LRP3: variants seen among roughly 807,000 people sequenced by gnomAD.
LRP3 encodes the protein low-density lipoprotein receptor-related protein 3.
A neutral mutation model predicts 58.5 loss-of-function variants in LRP3; 49 were observed. The ratio of observed to expected loss-of-function variants is 0.84; its 90% CI spans 0.67 to 1.06. The LOEUF is 1.06. Among genes scored for constraint, LRP3 ranks in the 50% least tolerant of loss-of-function variants. LRP3 has a pLI of 0.00. For missense variants in LRP3, 1,019 were observed against 1,134.2 expected, an observed-to-expected ratio of 0.90 and a Z score of 1.46; for synonymous variants, 485 against 492.2, an observed-to-expected ratio of 0.99 and a Z score of 0.20.
At chr19:33,201,286 T>A (rs565412984) in intron 2 of LRP3, among the ~76,000 whole-genome samples, 1 of 152,226 alleles carries the variant, frequency 6.6e-6, no homozygotes, top group East Asian at 1.9e-4. Context: ...GAAGGGACCT[T>A]GGAGCTAGGG....
At chr19:33,195,153 G>T (rs1405650876) in intron 1 of LRP3, among the ~76,000 whole-genome samples, 1 of 152,164 alleles carries the variant, frequency 6.6e-6, no homozygotes, top group Non-Finnish European at 1.5e-5. Flanking sequence ...GCCCGCCCGC[G>T]CTGAGCCTGG....
chr19:33,205,546 G>C lies in LRP3; in HGVS notation c.776G>C (p.Gly259Ala). The C allele has an allele frequency of 1.3e-6, 2 of 1,594,284 alleles. No homozygotes were observed. Among genetic ancestry groups the C allele is most frequent in the South Asian group, 1.1e-5 (1 of 89,720 alleles). ...CPDLACGRRL[G>A]SFYGSFASPD... ...GACCTGGCGTGCGGCCGGCGGCTGG[G>C]CAGCTTCTACGGCTCCTTTGCCTCC... The change falls in exon 5 of 7, where the codon GGC becomes GCC. Residue 259 changes from glycine to alanine, a missense_variant. Physicochemically the swap from Gly to Ala is moderately conservative, Grantham distance 60. Coordinates refer to ENST00000253193, the MANE Select transcript of LRP3 (RefSeq NM_002333.4).
At chr19:33,198,385 C>T (rs931635680) in intron 2 of LRP3, among the ~76,000 whole-genome samples, 1 of 152,168 alleles carries the variant, frequency 6.6e-6, no homozygotes, top group East Asian at 1.9e-4. Flanking sequence ...ACGCCCAGCG[C>T]GCAAGGCCAT....
rs531663335 is a variant in LRP3, at chr19:33,202,744, G to T, written c.122-104G>T. The T allele has an allele frequency of 1.8e-4, 244 of 1,336,478 alleles. No individual in the cohort carries two copies. In the African/African-American group the frequency reaches 2.9e-3, roughly 16 times the overall value. The allele number at this position is 1,336,478 out of a possible 1,614,324, so 82.8% of individuals were successfully genotyped here. A position where few individuals can be genotyped will look rare whatever the true frequency, so the allele number is the denominator to read the frequency against. ...GCCATGGCCACCCTTGGCTGGACTCGATCCCACCATGGGGGAGGCCTGTGC... is the reference window on the plus strand; with the variant it reads ...GCCATGGCCACCCTTGGCTGGACTCTATCCCACCATGGGGGAGGCCTGTGC... On this transcript the variant is annotated intron_variant, in intron 2 of 6. Coordinates refer to ENST00000253193, the MANE Select transcript of LRP3 (RefSeq NM_002333.4).
At chr19:33,206,417 T>C in intron 5 of LRP3, 55 bp downstream of exon 5, 1 of 1,598,466 alleles carries the variant, frequency 6.3e-7, no homozygotes, top group Non-Finnish European at 8.5e-7. Flanking sequence ...CCAGGCTTGC[T>C]GTCCCCGTAG....
chr19:33,203,537 C>T (rs1375128972), intron 3 of LRP3, among the ~76,000 whole-genome samples: 2 of 152,228 alleles, frequency 1.3e-5, no homozygotes, highest in Non-Finnish European at 2.9e-5. Context: ...TGTATGTGCA[C>T]ATGTGAATGC....
At chr19:33,201,035 C>T (rs1007030660) in intron 2 of LRP3, among the ~76,000 whole-genome samples, 36 of 152,346 alleles carry the variant, frequency 2.4e-4, no homozygotes, top group African/African-American at 7.9e-4. Context: ...GCTCTCAGCT[C>T]ATGGCTCCAG....
chr19:33,206,605 T>C lies in LRP3; in HGVS notation c.1597T>C (p.Phe533Leu), dbSNP rs1197990501. ...YSLRTQEYRA[F>L]ETQMTRLEAE... ...CCCTCCGCCCACTGCTTCTAGGGCCTTCGAGACCCAGATGACGCGCCTGGA... is the reference window on the plus strand; with the variant it reads ...CCCTCCGCCCACTGCTTCTAGGGCCCTCGAGACCCAGATGACGCGCCTGGA... Residue 533 changes from phenylalanine (F) to leucine (L), a missense_variant, in exon 6 of 7, where the codon TTC becomes CTC. Around this residue, in one of 2 missense-constraint regions of LRP3, gnomAD observed 427 missense variants for 408.6 expected, o/e 1.04. Coordinates refer to ENST00000253193, the MANE Select transcript of LRP3 (RefSeq NM_002333.4). 1 of 1,607,678 alleles carries C rather than the reference T, an allele frequency of 6.2e-7. No individual in the cohort carries two copies. The highest frequency in any genetic ancestry group is 1.1e-5 in the South Asian group (1 of 90,530).
intron 2 of LRP3, among the ~76,000 whole-genome samples, chr19:33,198,301 G>T (rs1351267296): frequency 6.6e-6 from 1 of 152,132 alleles, no homozygotes; most frequent in Non-Finnish European, 1.5e-5. Flanking sequence ...AAGACCTCAG[G>T]CCCCAGCAGG....
chr19:33,204,936 T>C (rs1599936567), intron 4 of LRP3, 84 bp downstream of exon 4: 1 of 1,298,814 alleles, frequency 7.7e-7, no homozygotes, highest in Non-Finnish European at 1.1e-6. Flanking sequence ...GGCGGCACCC[T>C]CCACAGGGCC....
chr19:33,200,646 G>A (rs1229373208), intron 2 of LRP3, among the ~76,000 whole-genome samples: 1 of 152,188 alleles, frequency 6.6e-6, no homozygotes, highest in African/African-American at 2.4e-5. Flanking sequence ...GGCTGGGGCC[G>A]GGGCCACTTT....
chr19:33,204,867 A>T lies in LRP3; in HGVS notation c.475+15A>T. On this transcript the variant is annotated intron_variant, in intron 4 of 6. Transcript: ENST00000253193. ...TTACATCCGAGGTGATGGAGGCTGCAGGGCAGGCAGGACACCACGGAGCAC... is the reference window on the plus strand; with the variant it reads ...TTACATCCGAGGTGATGGAGGCTGCTGGGCAGGCAGGACACCACGGAGCAC... 2 of 1,610,010 alleles carry T rather than the reference A, an allele frequency of 1.2e-6. No individual in the cohort carries two copies. The highest frequency in any genetic ancestry group is 1.7e-6 in the Non-Finnish European group (2 of 1,178,390).
chr19:33,206,608 G>T lies in LRP3; in HGVS notation c.1600G>T (p.Glu534Ter). Residue 534 changes from glutamate to a stop codon, truncating the protein, a stop_gained, in exon 6 of 7, where the codon GAG becomes TAG. Transcript: ENST00000253193. LOFTEE classifies it high-confidence loss of function. ...SLRTQEYRAF[E>*]TQMTRLEAEF... Reference sequence around the variant, plus strand: ...TCCGCCCACTGCTTCTAGGGCCTTCGAGACCCAGATGACGCGCCTGGAGGC... The same window carrying T: ...TCCGCCCACTGCTTCTAGGGCCTTCTAGACCCAGATGACGCGCCTGGAGGC... The T allele has an allele frequency of 6.2e-7, 1 of 1,608,360 alleles. No individual in the cohort carries two copies. The highest frequency in any genetic ancestry group is 8.5e-7 in the Non-Finnish European group (1 of 1,176,944).
At position 33,205,727 on chromosome 19, in the gene LRP3, C is replaced by T. The variant is rs745317448; in HGVS notation, c.957C>T (p.Asp319=). The change falls in exon 5 of 7, where the codon GAC becomes GAT. Residue 319 remains aspartate, a synonymous_variant. Transcript: ENST00000253193. ...QVYEGLGERG[D]RLLQTLSYRS... The stretch of plus-strand genomic sequence containing the variant: ...ACGAGGGCCTGGGCGAGCGCGGGGA[C>T]CGCCTGCTGCAGACGCTGTCCTACC... 4.4e-6 allele frequency: 7 copies of T among 1,599,882 alleles called. No homozygotes were observed. In the Admixed American group the frequency reaches 1.0e-4, roughly 23 times the overall value.
chr19:33,207,034 G>C lies in LRP3; in HGVS notation c.1772G>C (p.Arg591Pro). The change falls in exon 7 of 7, where the codon CGT (arginine) becomes CCT (proline). Residue 591 changes from arginine to proline, a missense_variant. Physicochemically the swap from Arg to Pro is moderately radical, Grantham distance 103 (BLOSUM62 -2). Coordinates refer to ENST00000253193, the MANE Select transcript of LRP3 (RefSeq NM_002333.4). Reference sequence around the variant, plus strand: ...CGCACAGCCATGCGGAGACAGATGCGTCGGCACGCCTCCCGCCGGGGGCCC... The same window carrying C: ...CGCACAGCCATGCGGAGACAGATGCCTCGGCACGCCTCCCGCCGGGGGCCC... The part of the protein sequence containing the change: ...NLRTAMRRQM[R>P]RHASRRGPSR... The C allele has an allele frequency of 6.7e-7, 1 of 1,484,410 alleles. No homozygotes were observed. The allele number at this position is 1,484,410 out of a possible 1,614,324, so 92.0% of individuals were successfully genotyped here.
chr19:33,200,914 C>T lies in LRP3; in HGVS notation c.122-1934C>T, dbSNP rs149371182. Among the ~76,000 whole-genome samples, 25 of 152,314 alleles carry T rather than the reference C, an allele frequency of 1.6e-4. No individual in the cohort carries two copies. In the East Asian group the frequency reaches 4.6e-3, roughly 28 times the overall value. ...TTAGGACCAAGAGTTCTGTTCTTAT[C>T]CTTGATGCTCTCACGAGCTGTCCGT... On this transcript the variant is annotated intron_variant, in intron 2 of 6. Transcript: ENST00000253193.
intron 2 of LRP3, among the ~76,000 whole-genome samples, chr19:33,199,474 GAAA>G (rs34874673): frequency 3.1e-5 from 4 of 129,870 alleles, no homozygotes; most frequent in Admixed American, 8.0e-5. Flanking sequence ...TCTTGTCTCA[GAAA>G]AAAAAAAAAA....
intron 6 of LRP3, 31 bp from the exon 7 acceptor site, chr19:33,206,957 C>A (rs562685217): frequency 2.1e-5 from 29 of 1,404,432 alleles, no homozygotes; most frequent in Admixed American, 5.7e-5. Context: ...TCAGCCGCAT[C>A]CCCCCGCCCC....
In LRP3 at chr19:33,202,913, C is replaced by A. The variant is rs1348031600; in HGVS notation, c.187C>A (p.Pro63Thr). ...RRGVIYSPAW[P>T]LNYPPGTNCS... ...TGGGGTCATCTACAGCCCGGCCTGG[C>A]CCCTCAACTACCCGCCAGGCACCAA... The change falls in exon 3 of 7, where the codon CCC becomes ACC. Residue 63 changes from proline (P) to threonine (T), a missense_variant. Pro to Thr is a conservative substitution (Grantham distance 38). Around this residue, in one of 2 missense-constraint regions of LRP3, gnomAD observed 592 missense variants for 725.5 expected, o/e 0.82. Coordinates refer to ENST00000253193, the MANE Select transcript of LRP3 (RefSeq NM_002333.4). 1 of 1,611,554 alleles carries A rather than the reference C, an allele frequency of 6.2e-7. No individual in the cohort carries two copies. Among genetic ancestry groups the A allele is most frequent in the African/African-American group, 1.3e-5 (1 of 74,882 alleles).
Sources: allele counts gnomAD v4.1 joint callset (sites outside exome capture counted in the v4.1 genomes callset), GRCh38; gene constraint gnomAD v4.1.1; regional missense constraint gnomAD v4.1.1; transcripts MANE v1.5; gene names NCBI Gene and HGNC (gene_info 2026-07-23, HGNC 2026-07-21).